The following CLNK variants were observed in gnomAD, a reference collection of about 807,000 sequenced individuals.
CLNK encodes cytokine dependent hematopoietic cell linker.
CLNK carries 74 observed loss-of-function variants against 68.6 expected under a neutral mutation model. The ratio of observed to expected loss-of-function variants is 1.08; its 90% CI spans 0.89 to 1.31. The LOEUF is 1.31. Among genes scored for constraint, CLNK ranks in the 50% most tolerant of loss-of-function variants. The pLI is 0.00. For synonymous variants in CLNK, 198 were observed against 172.2 expected, an observed-to-expected ratio of 1.15 and a Z score of -1.17; for missense variants, 553 against 515.3, an observed-to-expected ratio of 1.07 and a Z score of -0.71.
At chr4:10,675,066 T>C (rs1724815736) in intron 1 of CLNK, among the ~76,000 whole-genome samples, 1 of 152,198 alleles carries the variant, frequency 6.6e-6, no homozygotes, top group South Asian at 2.1e-4. Flanking sequence ...ATGGGTTGGA[T>C]GGATGCAGCA....
intron 2 of CLNK, among the ~76,000 whole-genome samples, chr4:10,624,593 GTTTTT>G (rs10559473): frequency 0.015 from 1,827 of 122,858 alleles, 59 homozygotes; most frequent in African/African-American, 0.052. Context: ...CGCCCGGCCA[GTTTTT>G]TTTTTTTTTT....
chr4:10,563,893 C>A (rs1272205469), intron 7 of CLNK, among the ~76,000 whole-genome samples: 2 of 151,818 alleles, frequency 1.3e-5, no homozygotes, highest in Non-Finnish European at 2.9e-5. Context: ...GGCAACAGAG[C>A]AAAACTCCAT....
chr4:10,699,970 A>G, the CLNK span, among the ~76,000 whole-genome samples: 1 of 151,026 alleles, frequency 6.6e-6, no homozygotes, highest in Non-Finnish European at 1.5e-5. Flanking sequence ...GTTGGTTGAA[A>G]CTTGTGGATA....
chr4:10,588,834 T>C (rs966046516), intron 3 of CLNK, among the ~76,000 whole-genome samples: 3 of 151,954 alleles, frequency 2.0e-5, no homozygotes, highest in Non-Finnish European at 2.9e-5. Context: ...CTATATATTA[T>C]ATGGTATATA....
chr4:10,683,413 G>A (rs1725161304), intron 1 of CLNK, among the ~76,000 whole-genome samples: 1 of 152,302 alleles, frequency 6.6e-6, no homozygotes, highest in Non-Finnish European at 1.5e-5. Context: ...TAGATGGTTG[G>A]TGTCAGAGAC....
At chr4:10,513,141 C>A (rs1265432812) in intron 16 of CLNK, among the ~76,000 whole-genome samples, 1 of 152,080 alleles carries the variant, frequency 6.6e-6, no homozygotes, top group African/African-American at 2.4e-5. Context: ...CTAGTTAACC[C>A]CCCACAAGAT....
intron 2 of CLNK, among the ~76,000 whole-genome samples, chr4:10,617,758 A>C (rs1418217451): frequency 6.6e-6 from 1 of 152,200 alleles, no homozygotes; most frequent in East Asian, 1.9e-4. Context: ...AGAGTTTGTT[A>C]CTTCTTTGGC....
chr4:10,499,690 G>C (rs1209553337), intron 18 of CLNK, among the ~76,000 whole-genome samples: 1 of 152,170 alleles, frequency 6.6e-6, no homozygotes, highest in Non-Finnish European at 1.5e-5. Context: ...AGACAAGGTG[G>C]CTTAAACAAC....
chr4:10,667,513 G>A (rs1305506219), intron 2 of CLNK, among the ~76,000 whole-genome samples: 2 of 151,474 alleles, frequency 1.3e-5, no homozygotes, highest in African/African-American at 2.4e-5. Flanking sequence ...GCTTTCTCCT[G>A]TGGGAAAAAG....
At chr4:10,630,937 GA>G (rs1270039890) in intron 2 of CLNK, among the ~76,000 whole-genome samples, 1 of 152,130 alleles carries the variant, frequency 6.6e-6, no homozygotes, top group African/African-American at 2.4e-5. Context: ...AATGGATGGA[GA>G]AATAAATAAG....
intron 1 of CLNK, among the ~76,000 whole-genome samples, chr4:10,676,286 C>T (rs923696740): frequency 6.6e-6 from 1 of 152,124 alleles, no homozygotes; most frequent in African/African-American, 2.4e-5. Flanking sequence ...TAATTCTATA[C>T]CCCAGTCAGA....
At chr4:10,680,434 G>A (rs1195740843) in intron 1 of CLNK, among the ~76,000 whole-genome samples, 1 of 151,192 alleles carries the variant, frequency 6.6e-6, no homozygotes, top group Non-Finnish European at 1.5e-5. Context: ...GAGTTAATGG[G>A]TGCAGCACAC....
chr4:10,678,516 C>A (rs1220207680), intron 1 of CLNK, among the ~76,000 whole-genome samples: 2 of 151,930 alleles, frequency 1.3e-5, no homozygotes, highest in Non-Finnish European at 1.5e-5. Flanking sequence ...TTGTAAGACA[C>A]CCAAGGCTTT....
rs146704353 is a variant in CLNK at position 10,556,239 on chromosome 4, T to C, written c.445+2168A>G. Among the ~76,000 whole-genome samples the C allele has an allele frequency of 1.9e-3, 297 of 152,360 alleles. 1 individual carries two copies. Among genetic ancestry groups the C allele is most frequent in the African/African-American group, 6.8e-3 (284 of 41,584 alleles). On this transcript the variant is annotated intron_variant, in intron 8 of 18. Transcript: ENST00000226951. ...TTTGTTTCTTGTAATGGGAAATTCATACCACATAAGGAAGCTTGATTCCCT... is the reference window on the plus strand; with the variant it reads ...TTTGTTTCTTGTAATGGGAAATTCACACCACATAAGGAAGCTTGATTCCCT...
chr4:10,548,513 C>A (rs1186580069), intron 8 of CLNK, among the ~76,000 whole-genome samples: 1 of 152,162 alleles, frequency 6.6e-6, no homozygotes, highest in Admixed American at 6.6e-5. Context: ...TTTGATGTAG[C>A]CCTACTTGTT....
chr4:10,488,677 A>G lies in CLNK; in HGVS notation c.*1790T>C, dbSNP rs1014796715. ...CTTCTTCATTAAATGCTCCTGATGT[A>G]ACTTATAGGCATCACTTCACATTGA... On this transcript the variant is annotated 3_prime_UTR_variant, in exon 19 of 19. Coordinates refer to ENST00000226951, the MANE Select transcript of CLNK (RefSeq NM_052964.4). 1 of 152,226 alleles carries G rather than the reference A, an allele frequency of 6.6e-6. No individual in the cohort carries two copies. The highest frequency in any genetic ancestry group is 2.4e-5 in the African/African-American group (1 of 41,438). The allele number at this position is 152,226 out of a possible 1,614,324, so 9.4% of individuals were successfully genotyped here.
In CLNK at chr4:10,513,585, C is replaced by T. The variant is rs536724580; in HGVS notation, c.785G>A (p.Gly262Asp). 5.6e-6 allele frequency: 9 copies of T among 1,600,484 alleles called. No homozygotes were observed. Among genetic ancestry groups the T allele is most frequent in the East Asian group, 2.2e-5 (1 of 44,462 alleles). Residue 262 changes from glycine (G) to aspartate (D), a missense_variant, in exon 16 of 19, where the codon GGC becomes GAC. Gly to Asp is a moderately conservative substitution (Grantham distance 94). Transcript: ENST00000226951. ...HSVQNRDHRG[G>D]MQPCSPQRCQ... ...TCTCTGAGGAGAACAGGGCTGCATG[C>T]CTCCTCTATGATCTGGAAAGGTTAA... is the stretch of plus-strand genomic sequence containing the variant.
intron 15 of CLNK, among the ~76,000 whole-genome samples, chr4:10,518,226 T>G (rs1361115227): frequency 1.3e-5 from 2 of 152,174 alleles, no homozygotes; most frequent in African/African-American, 4.8e-5. Flanking sequence ...CAATAATTAC[T>G]AATATTTAAA....
intron 2 of CLNK, among the ~76,000 whole-genome samples, chr4:10,611,712 C>T (rs890559971): frequency 6.6e-6 from 1 of 152,122 alleles, no homozygotes; most frequent in Non-Finnish European, 1.5e-5. Context: ...GAGTGAGGCC[C>T]AATGATGTGC....
Sources: gnomAD v4.1 joint callset for allele counts (sites outside exome capture counted in the v4.1 genomes callset) on GRCh38, gnomAD v4.1.1 for gene constraint, MANE v1.5 for transcripts, NCBI Gene and HGNC (gene_info 2026-07-23, HGNC 2026-07-21) for gene names.